Variants in HSF5 observed in about 807,000 individuals in gnomAD.
HSF5 encodes the protein heat shock transcription factor 5, also known as heat shock factor protein 5.
HSF5 carries 5 observed loss-of-function variants against 50.8 expected under a neutral mutation model. That is an observed-to-expected ratio of 0.10 (90% CI 0.05 to 0.21). The LOEUF is 0.21. Ranked by LOEUF, HSF5 falls within the 10% of genes least tolerant of loss-of-function variation. HSF5 has a pLI of 1.00. For synonymous variants in HSF5, 307 were observed against 307.4 expected (o/e 1.00, Z 0.02); for missense variants, 564 against 762.6 (o/e 0.74, Z 3.07).
At chr17:58,470,733 C>T (rs924633418) in intron 2 of HSF5, among the ~76,000 whole-genome samples, 6 of 152,154 alleles carry the variant, frequency 3.9e-5, no homozygotes, top group African/African-American at 1.4e-4. Context: ...CGAGACCAGC[C>T]TTACCAACAT....
At chr17:58,450,060 A>T (rs527315702) in intron 5 of HSF5, among the ~76,000 whole-genome samples, 1 of 145,262 alleles carries the variant, frequency 6.9e-6, no homozygotes, top group East Asian at 2.1e-4. Flanking sequence ...CATAGGCTGG[A>T]CACGGTAGCT....
intron 5 of HSF5, among the ~76,000 whole-genome samples, chr17:58,424,421 G>A (rs1974265722): frequency 6.6e-6 from 1 of 151,998 alleles, no homozygotes; most frequent in African/African-American, 2.4e-5. Context: ...GACCATCCTG[G>A]CTAATATGGT....
intron 1 of HSF5, among the ~76,000 whole-genome samples, chr17:58,482,214 T>C (rs941567969): frequency 1.3e-5 from 2 of 152,110 alleles, no homozygotes; most frequent in Non-Finnish European, 2.9e-5. Flanking sequence ...CTTTATCTAA[T>C]AGGGGGAAAA....
intron 2 of HSF5, chr17:58,476,954 G>T: frequency 3.0e-6 from 2 of 670,492 alleles, no homozygotes; most frequent in Non-Finnish European, 2.6e-6. Context: ...CGCCCATGTG[G>T]CACGGTTGGG....
chr17:58,467,051 T>C (rs899252342), intron 2 of HSF5, 72 bp from the exon 3 acceptor site: 46 of 956,326 alleles, frequency 4.8e-5, no homozygotes, highest in Non-Finnish European at 7.6e-5. Context: ...AGCTCCCCTC[T>C]TTCAACATGG....
intron 4 of HSF5, 91 bp from the exon 5 acceptor site, chr17:58,459,036 A>C (rs1974754101): frequency 9.2e-7 from 1 of 1,092,704 alleles, no homozygotes; most frequent in Non-Finnish European, 1.3e-6. Context: ...TATTATGGGA[A>C]CATGATCCAA....
intron 3 of HSF5, among the ~76,000 whole-genome samples, chr17:58,463,544 A>C (rs1000020417): frequency 6.6e-6 from 1 of 152,218 alleles, no homozygotes; most frequent in African/African-American, 2.4e-5. Flanking sequence ...ATGGTCAATA[A>C]TTCTTAAGGT....
intron 4 of HSF5, among the ~76,000 whole-genome samples, chr17:58,459,696 G>C (rs927867760): frequency 6.6e-6 from 1 of 150,446 alleles, no homozygotes; most frequent in African/African-American, 2.4e-5. Context: ...TCGCTATGTT[G>C]CCCAGGCTGG....
chr17:58,455,275 T>C (rs945073610), intron 5 of HSF5, among the ~76,000 whole-genome samples: 1 of 152,180 alleles, frequency 6.6e-6, no homozygotes, highest in African/African-American at 2.4e-5. Context: ...GATGTCCATA[T>C]GCAGAAGAAG....
At chr17:58,443,695 C>T (rs1305316529) in intron 5 of HSF5, among the ~76,000 whole-genome samples, 2 of 152,174 alleles carry the variant, frequency 1.3e-5, no homozygotes, top group African/African-American at 2.4e-5. Context: ...TAGTCTAGTA[C>T]GTGTAACCAT....
intron 5 of HSF5, among the ~76,000 whole-genome samples, chr17:58,448,935 T>C (rs1422076187): frequency 1.3e-5 from 2 of 152,088 alleles, no homozygotes; most frequent in Non-Finnish European, 2.9e-5. Context: ...AGATAGGCAA[T>C]ATAAAAAGAT....
At position 58,422,239 on chromosome 17, in the gene HSF5, G is replaced by A. The variant is rs141023923; in HGVS notation, c.*121C>T. On this transcript the variant is annotated 3_prime_UTR_variant, in exon 6 of 6. Coordinates refer to ENST00000323777, the MANE Select transcript of HSF5 (RefSeq NM_001080439.3). ...TCAATTAACAAAATTCTCAATTAAC[G>A]AAACAAAAAATACTTTTTTTTCCTT... The A allele has an allele frequency of 5.8e-5, 40 of 695,186 alleles. No homozygotes were observed. The highest frequency in any genetic ancestry group is 3.6e-4 in the African/African-American group (20 of 55,428). 43.1% of individuals were successfully genotyped at this position (695,186 alleles called of 1,614,324 possible).
At position 58,476,895 on chromosome 17, in the gene HSF5, C is replaced by T. The variant is rs1055287086; in HGVS notation, c.925+2998G>A. On this transcript the variant is annotated intron_variant, in intron 2 of 5. Coordinates refer to ENST00000323777, the MANE Select transcript of HSF5 (RefSeq NM_001080439.3). The stretch of plus-strand genomic sequence containing the variant: ...TTTTTTTTTCCTGAGGTCTCGTCGG[C>T]CCTGTAGTGGTTGGAGTTGAGCTCC... The T allele has an allele frequency of 4.6e-5, 50 of 1,094,976 alleles. No individual in the cohort carries two copies. In the African/African-American group the frequency reaches 7.1e-4, roughly 16 times the overall value. The allele number at this position is 1,094,976 out of a possible 1,614,324, so 67.8% of individuals were successfully genotyped here.
rs191889558 is a variant in HSF5, at chr17:58,454,508, T to G, written c.1720+4260A>C. 1.1e-3 allele frequency among the ~76,000 whole-genome samples: 170 copies of G among 152,244 alleles called. 1 individual carries two copies. The highest frequency in any genetic ancestry group is 3.9e-3 in the African/African-American group (161 of 41,548). On this transcript the variant is annotated intron_variant, in intron 5 of 5. Transcript: ENST00000323777. ...AGACCAATTAGGCAAGAGAAAGAAA[T>G]AAATGGCATCCAAATTGGAACGGAG... is the stretch of plus-strand genomic sequence containing the variant.
At chr17:58,430,276 TG>T (rs1172545357) in intron 5 of HSF5, among the ~76,000 whole-genome samples, 3 of 152,168 alleles carry the variant, frequency 2.0e-5, no homozygotes, top group Admixed American at 6.5e-5. Flanking sequence ...TTTGCCATGT[TG>T]GCCAGGCTAG....
chr17:58,486,973 T>C (rs1450486804), intron 1 of HSF5, among the ~76,000 whole-genome samples: 2 of 147,424 alleles, frequency 1.4e-5, no homozygotes, highest in East Asian at 4.1e-4. Context: ...AGTGGCACTA[T>C]CTCGGCTTAC....
Position 58,435,269 on chromosome 17 carries a change from C to T in HSF5, c.1721-12839G>A, listed in dbSNP as rs180860827. 7.5e-4 allele frequency among the ~76,000 whole-genome samples: 114 copies of T among 152,254 alleles called. 1 individual carries two copies. Among genetic ancestry groups the T allele is most frequent in the African/African-American group, 2.7e-3 (111 of 41,548 alleles). On this transcript the variant is annotated intron_variant, in intron 5 of 5. Transcript: ENST00000323777. ...ACGTGAATTTAAAGTGAGACTAAGG[C>T]GGGGTGCAGTAGCTCATGCCTGTAA...
At position 58,480,282 on chromosome 17, in the gene HSF5, A is replaced by C; in HGVS notation, c.551-15T>G. The C allele has an allele frequency of 6.3e-7, 1 of 1,578,170 alleles. No individual in the cohort carries two copies. Among genetic ancestry groups the C allele is most frequent in the Non-Finnish European group, 8.6e-7 (1 of 1,162,706 alleles). Reference sequence around the variant, plus strand: ...AGCCACTGGTCCTACATAAAAGAGGAAGAGCACATTTACTAATTTTGCATT... The same window carrying C: ...AGCCACTGGTCCTACATAAAAGAGGCAGAGCACATTTACTAATTTTGCATT... On this transcript the variant is annotated splice_polypyrimidine_tract_variant and intron_variant, in intron 1 of 5. Coordinates refer to ENST00000323777, the MANE Select transcript of HSF5 (RefSeq NM_001080439.3).
chr17:58,465,244 T>C (rs1331780276), intron 3 of HSF5, among the ~76,000 whole-genome samples: 1 of 147,308 alleles, frequency 6.8e-6, no homozygotes, highest in Non-Finnish European at 1.5e-5. Context: ...CTCATCTCAA[T>C]TTCCTGGCCT....
Sources: gnomAD v4.1 joint callset for allele counts (sites outside exome capture counted in the v4.1 genomes callset) on GRCh38, gnomAD v4.1.1 for gene constraint, MANE v1.5 for transcripts, NCBI Gene and HGNC (gene_info 2026-07-23, HGNC 2026-07-21) for gene names.